CASZ1: variants seen among roughly 807,000 people sequenced by gnomAD.
CASZ1 encodes the protein zinc finger protein castor homolog 1.
A neutral mutation model predicts 135.2 loss-of-function variants in CASZ1; 28 were observed. The ratio of observed to expected loss-of-function variants is 0.21; its 90% CI spans 0.15 to 0.28. The LOEUF is 0.28. CASZ1 is among the 10% of genes least tolerant of loss of function. The pLI, the probability that CASZ1 is intolerant of heterozygous loss-of-function variation, is 1.00. For missense variants in CASZ1, 2,161 were observed against 2,453.3 expected, an observed-to-expected ratio of 0.88 and a Z score of 2.52; for synonymous variants, 1,068 against 1,073.4, an observed-to-expected ratio of 0.99 and a Z score of 0.10.
At chr1:10,765,897 C>T (rs1640466627) in intron 1 of CASZ1, among the ~76,000 whole-genome samples, 1 of 152,222 alleles carries the variant, frequency 6.6e-6, no homozygotes, top group Non-Finnish European at 1.5e-5. Context: ...TGTTCCACCC[C>T]TCCCCCACTT....
In CASZ1 at chr1:10,726,429, T is replaced by C. The variant is rs1419845603; in HGVS notation, c.-76-20885A>G. Among the ~76,000 whole-genome samples, 1 of 152,184 alleles carries C rather than the reference T, an allele frequency of 6.6e-6. No homozygotes were observed. The highest frequency in any genetic ancestry group is 1.9e-4 in the East Asian group (1 of 5,192). On this transcript the variant is annotated intron_variant, in intron 2 of 20. Transcript: ENST00000377022. The surrounding 1 kb of genome is among the most constrained non-coding windows in gnomAD (Gnocchi z 5.7). ...TATGAAATACTCATGGCCATCACAGTCCTCCTGGCTGGAGCCGGAGGGAGG... is the reference window on the plus strand; with the variant it reads ...TATGAAATACTCATGGCCATCACAGCCCTCCTGGCTGGAGCCGGAGGGAGG...
At chr1:10,731,349 G>A (rs557069564) in intron 2 of CASZ1, among the ~76,000 whole-genome samples, 66 of 152,236 alleles carry the variant, frequency 4.3e-4, no homozygotes, top group African/African-American at 1.5e-3. Flanking sequence ...TTGGGAGGCC[G>A]AAGCAGGAGG....
rs770001390 is a variant in CASZ1, at chr1:10,656,642, G to A, written c.1500+4C>T. 8 of 1,589,578 alleles carry A rather than the reference G, an allele frequency of 5.0e-6. No homozygotes were observed. The South Asian group carries it at 8.0e-5, about 16-fold the overall frequency. The stretch of plus-strand genomic sequence containing the variant: ...AGGCGGAGCCCATCTGGCTGTGGCC[G>A]TACCTGGTAGTTACACTCAGGGTCA... On this transcript the variant is annotated splice_donor_region_variant and intron_variant, in intron 8 of 20. Coordinates refer to ENST00000377022, the MANE Select transcript of CASZ1 (RefSeq NM_001079843.3).
chr1:10,771,292 G>T (rs1459456645), intron 1 of CASZ1, among the ~76,000 whole-genome samples: 2 of 152,020 alleles, frequency 1.3e-5, no homozygotes, highest in African/African-American at 2.4e-5. Context: ...GTGGCGGCAG[G>T]ATAAATGTCC....
At position 10,727,924 on chromosome 1, in the gene CASZ1, G is replaced by A. The variant is rs1268326462; in HGVS notation, c.-76-22380C>T. On this transcript the variant is annotated intron_variant, in intron 2 of 20. Coordinates refer to ENST00000377022, the MANE Select transcript of CASZ1 (RefSeq NM_001079843.3). The surrounding 1 kb of genome is among the most constrained non-coding windows in gnomAD (Gnocchi z 5.3). ...CCATGCCCCGGCACCATGCCAACAC[G>A]TGGAAGGTTGAACTAACCCCGGGCG... 6.6e-6 allele frequency among the ~76,000 whole-genome samples: 1 copy of A among 152,216 alleles called. No homozygotes were observed. The highest frequency in any genetic ancestry group is 2.4e-5 in the African/African-American group (1 of 41,452).
chr1:10,735,658 G>A lies in CASZ1; in HGVS notation c.-77+25043C>T, dbSNP rs911137748. On this transcript the variant is annotated intron_variant, in intron 2 of 20. Transcript: ENST00000377022. The surrounding 1 kb of genome is among the most constrained non-coding windows in gnomAD (Gnocchi z 5.1). ...CCGGTTTCTGTGCCCTGAGCTCTCA[G>A]AGAACCCACCACAGATGGCCAGCTG... Among the ~76,000 whole-genome samples the A allele has an allele frequency of 6.6e-6, 1 of 152,218 alleles. No individual in the cohort carries two copies. Among genetic ancestry groups the A allele is most frequent in the Non-Finnish European group, 1.5e-5 (1 of 68,034 alleles).
At position 10,642,981 on chromosome 1, in the gene CASZ1, T is replaced by C. The variant is rs1642255530; in HGVS notation, c.4040A>G (p.Asp1347Gly). 1 of 1,612,878 alleles carries C rather than the reference T, an allele frequency of 6.2e-7. No homozygotes were observed. Among genetic ancestry groups the C allele is most frequent in the Non-Finnish European group, 8.5e-7 (1 of 1,179,856 alleles). Residue 1347 changes from aspartate to glycine, a missense_variant, in exon 20 of 21, where the codon GAT becomes GGT. Around this residue, in one of 7 missense-constraint regions of CASZ1, gnomAD observed 143 missense variants for 128.3 expected, o/e 1.11. Coordinates refer to ENST00000377022, the MANE Select transcript of CASZ1 (RefSeq NM_001079843.3). ...GTCCATGCACTCATCTGTCTCAGCA[T>C]CCATCAGGCCTGGGGGGCCCTGAAA... is the stretch of plus-strand genomic sequence containing the variant. ...PPSQGPPGLM[D>G]AETDECMDYT...
At chr1:10,658,277 G>A in intron 7 of CASZ1, 1 of 530,772 alleles carries the variant, frequency 1.9e-6, no homozygotes, top group African/African-American at 1.9e-5. Context: ...CTAACTGGGG[G>A]CACAGGCTGC....
chr1:10,654,380 G>A (rs969764235), intron 10 of CASZ1, 39 bp downstream of exon 10: 19 of 1,602,928 alleles, frequency 1.2e-5, no homozygotes, highest in Middle Eastern at 1.7e-4. Context: ...TTCCCTCCCC[G>A]CTTCTGCCCA....
chr1:10,795,005 C>T (rs1010025779), intron 1 of CASZ1, among the ~76,000 whole-genome samples: 1 of 151,976 alleles, frequency 6.6e-6, no homozygotes, highest in East Asian at 1.9e-4. Context: ...CGCCAGCTCC[C>T]GGCAGTGCTG....
chr1:10,750,698 G>A (rs1168931593), intron 2 of CASZ1, among the ~76,000 whole-genome samples: 1 of 152,110 alleles, frequency 6.6e-6, no homozygotes, highest in African/African-American at 2.4e-5. Context: ...TCAGGAGTTA[G>A]AGACCAGCCT....
intron 3 of CASZ1, among the ~76,000 whole-genome samples, chr1:10,696,557 C>G (rs1438691278): frequency 6.6e-6 from 1 of 152,228 alleles, no homozygotes; most frequent in Non-Finnish European, 1.5e-5. Context: ...CCCAATGACT[C>G]CCCAAAGCAA....
At chr1:10,743,243 T>C (rs936430105) in intron 2 of CASZ1, among the ~76,000 whole-genome samples, 1 of 151,368 alleles carries the variant, frequency 6.6e-6, no homozygotes, top group Non-Finnish European at 1.5e-5. Context: ...GAAATCAGGG[T>C]CCAGTTAGCT....
intron 4 of CASZ1, among the ~76,000 whole-genome samples, chr1:10,684,032 A>G (rs941525048): frequency 2.6e-5 from 4 of 152,234 alleles, no homozygotes; most frequent in African/African-American, 7.2e-5. Flanking sequence ...GCATTTGGGA[A>G]CAAACCCAGC....
At chr1:10,742,749 T>C (rs536932237) in intron 2 of CASZ1, among the ~76,000 whole-genome samples, 2 of 152,166 alleles carry the variant, frequency 1.3e-5, no homozygotes, top group Admixed American at 1.3e-4. Flanking sequence ...TTTGGAAGGC[T>C]GAGGCAGGCG....
chr1:10,742,258 G>A (rs772276715), intron 2 of CASZ1, among the ~76,000 whole-genome samples: 2 of 152,236 alleles, frequency 1.3e-5, no homozygotes, highest in Admixed American at 6.5e-5. Flanking sequence ...GGGAGGGGGC[G>A]GAGGAGAGGG....
chr1:10,737,169 C>T (rs1639815632), intron 2 of CASZ1, among the ~76,000 whole-genome samples: 2 of 152,260 alleles, frequency 1.3e-5, no homozygotes, highest in East Asian at 3.8e-4. Context: ...AATGAGGCAT[C>T]CGCTCCCCAC....
chr1:10,648,098 G>A lies in CASZ1; in HGVS notation c.3200C>T (p.Thr1067Ile), dbSNP rs756072851. 3.8e-6 allele frequency: 6 copies of A among 1,563,922 alleles called. No individual in the cohort carries two copies. Among genetic ancestry groups the A allele is most frequent in the African/African-American group, 2.7e-5 (2 of 73,444 alleles). Reference protein sequence around the residue: ...RTEGGAAKGNTEAAFPASAAE... With the variant: ...RTEGGAAKGNIEAAFPASAAE... ...GGCCGAGGCCGGAAAGGCAGCCTCT[G>A]TGTTTCCTTTTGCTGCTCCTCCCTC... is the stretch of plus-strand genomic sequence containing the variant. The change falls in exon 16 of 21, where the codon ACA becomes ATA. Residue 1067 changes from threonine (T) to isoleucine (I), a missense_variant. This residue lies in a region of CASZ1 where 349 missense variants were observed against 460.8 expected (regional missense o/e 0.76). Transcript: ENST00000377022.
intron 2 of CASZ1, among the ~76,000 whole-genome samples, chr1:10,753,553 G>A (rs764787315): frequency 2.1e-4 from 32 of 152,204 alleles, no homozygotes; most frequent in Non-Finnish European, 4.1e-4. Context: ...TAGCTAAAGC[G>A]GATCGGTCCT....
Sources: allele counts gnomAD v4.1 joint callset (sites outside exome capture counted in the v4.1 genomes callset), GRCh38; gene constraint gnomAD v4.1.1; regional missense constraint gnomAD v4.1.1; non-coding constraint Gnocchi (gnomAD v3.1); transcripts MANE v1.5; gene names NCBI Gene and HGNC (gene_info 2026-07-23, HGNC 2026-07-21).